LRBA: variants seen among roughly 807,000 people sequenced by gnomAD.
LRBA encodes LPS responsive beige-like anchor protein, also known as lipopolysaccharide-responsive and beige-like anchor protein.
In LRBA, 176 loss-of-function variants were observed where a neutral mutation model predicts 330.0. The observed-to-expected ratio is 0.53, with a 90% confidence interval of 0.47 to 0.60. The LOEUF (loss-of-function observed/expected upper bound fraction) is 0.60. Among genes scored for constraint, LRBA ranks in the 20% least tolerant of loss-of-function variants. LRBA has a pLI of 0.00. For synonymous variants in LRBA, 1,230 were observed against 1,193.0 expected, an observed-to-expected ratio of 1.03 and a Z score of -0.64; for missense variants, 3,259 against 3,444.8, an observed-to-expected ratio of 0.95 and a Z score of 1.35.
chr4:150,614,312 A>G (rs1775559020), intron 37 of LRBA, among the ~76,000 whole-genome samples: 1 of 152,244 alleles, frequency 6.6e-6, no homozygotes, highest in South Asian at 2.1e-4. Flanking sequence ...AGTTTTAAGT[A>G]GGTATTATAA....
intron 41 of LRBA, among the ~76,000 whole-genome samples, chr4:150,489,694 T>A (rs1392448509): frequency 2.6e-5 from 3 of 117,630 alleles, no homozygotes; most frequent in Admixed American, 1.0e-4. Context: ...AAGAATATAT[T>A]ATATATTATA....
At chr4:150,821,486 T>TA (rs1245671818) in intron 30 of LRBA, among the ~76,000 whole-genome samples, 2 of 149,914 alleles carry the variant, frequency 1.3e-5, no homozygotes. Flanking sequence ...TGTTGCTGGA[T>TA]TTTTTTTTTC....
At chr4:150,314,556 A>G (rs1431737283) in intron 51 of LRBA, among the ~76,000 whole-genome samples, 8 of 152,176 alleles carry the variant, frequency 5.3e-5, no homozygotes, top group African/African-American at 1.9e-4. Context: ...AAAATAATAA[A>G]TCTGCTTCAT....
chr4:150,417,794 T>C (rs542279618), intron 46 of LRBA, among the ~76,000 whole-genome samples: 2 of 152,268 alleles, frequency 1.3e-5, no homozygotes, highest in African/African-American at 4.8e-5. Context: ...AAAAGTACTC[T>C]TACCAACACC....
chr4:150,527,890 T>C (rs1403069615), intron 40 of LRBA, among the ~76,000 whole-genome samples: 2 of 152,208 alleles, frequency 1.3e-5, no homozygotes, highest in African/African-American at 4.8e-5. Context: ...ACAACTGACA[T>C]AAGTAGCTGT....
At chr4:150,538,713 C>T (rs1214936486) in intron 40 of LRBA, among the ~76,000 whole-genome samples, 1 of 151,366 alleles carries the variant, frequency 6.6e-6, no homozygotes, top group Non-Finnish European at 1.5e-5. Flanking sequence ...CCAATCCCAA[C>T]ACTTTGGGAG....
At chr4:150,665,709 G>A (rs1781499892) in intron 37 of LRBA, among the ~76,000 whole-genome samples, 1 of 152,076 alleles carries the variant, frequency 6.6e-6, no homozygotes, top group Non-Finnish European at 1.5e-5. Context: ...ATTCATCCAT[G>A]TTGTTATATG....
chr4:150,706,789 T>C (rs1785669641), intron 36 of LRBA, among the ~76,000 whole-genome samples: 1 of 151,588 alleles, frequency 6.6e-6, no homozygotes, highest in Non-Finnish European at 1.5e-5. Context: ...GCAAAGGACA[T>C]GCTCACAGAA....
At chr4:150,693,493 G>A (rs1364791569) in intron 36 of LRBA, among the ~76,000 whole-genome samples, 1 of 140,826 alleles carries the variant, frequency 7.1e-6, no homozygotes, top group Non-Finnish European at 1.5e-5. Flanking sequence ...GAACCCGGGA[G>A]GCGGAGCTTG....
intron 36 of LRBA, among the ~76,000 whole-genome samples, chr4:150,685,420 A>ATATATATACTTTTT (rs1561514146): frequency 5.7e-5 from 1 of 17,436 alleles, no homozygotes; most frequent in African/African-American, 2.4e-4. Flanking sequence ...ATATATATAT[A>ATATATATACTTTTT]TTTTTTTTTT....
chr4:150,326,286 T>C (rs1454621020), intron 48 of LRBA, among the ~76,000 whole-genome samples: 1 of 152,152 alleles, frequency 6.6e-6, no homozygotes, highest in Non-Finnish European at 1.5e-5. Context: ...TCTTTGATTC[T>C]AGGTCCCATT....
chr4:150,349,306 G>A (rs190915985), intron 48 of LRBA, among the ~76,000 whole-genome samples: 10 of 152,150 alleles, frequency 6.6e-5, no homozygotes, highest in South Asian at 4.1e-4. Context: ...TTTCCTAAAC[G>A]CAGTTGTGTT....
chr4:150,900,274 G>C, intron 13 of LRBA, 57 bp from the exon 14 acceptor site: 1 of 1,306,450 alleles, frequency 7.7e-7, no homozygotes, highest in South Asian at 1.4e-5. Flanking sequence ...TCTGTTTCCA[G>C]TAACACTTCC....
At chr4:150,641,074 T>G (rs749535427) in intron 37 of LRBA, among the ~76,000 whole-genome samples, 5 of 152,162 alleles carry the variant, frequency 3.3e-5, no homozygotes, top group Non-Finnish European at 7.4e-5. Flanking sequence ...GTCCCCATCT[T>G]TTGTCCGTCT....
intron 2 of LRBA, among the ~76,000 whole-genome samples, chr4:150,984,320 C>T (rs898881827): frequency 2.0e-5 from 3 of 152,148 alleles, no homozygotes; most frequent in East Asian, 1.9e-4. Context: ...CGAGACCAGC[C>T]TCAACATGGA....
chr4:150,653,579 T>A (rs1434863705), intron 37 of LRBA, among the ~76,000 whole-genome samples: 1 of 152,116 alleles, frequency 6.6e-6, no homozygotes, highest in African/African-American at 2.4e-5. Flanking sequence ...GACAACAATC[T>A]AGGTGTGAGA....
In LRBA at chr4:150,636,584, T is replaced by C. The variant is rs559263837; in HGVS notation, c.5922-37453A>G. 4.6e-5 allele frequency among the ~76,000 whole-genome samples: 7 copies of C among 152,294 alleles called. No individual in the cohort carries two copies. The South Asian group carries it at 1.2e-3, about 27-fold the overall frequency. ...AAGATCAAGGCTTTAGGTGCATTCATTGCTACCAGGATGTCACTATTCCCA... is the reference window on the plus strand; with the variant it reads ...AAGATCAAGGCTTTAGGTGCATTCACTGCTACCAGGATGTCACTATTCCCA... On this transcript the variant is annotated intron_variant, in intron 37 of 56. Coordinates refer to ENST00000651943, the MANE Select transcript of LRBA (RefSeq NM_001364905.1).
At chr4:150,366,117 T>G (rs1739435154) in intron 47 of LRBA, among the ~76,000 whole-genome samples, 1 of 152,168 alleles carries the variant, frequency 6.6e-6, no homozygotes, top group Admixed American at 6.6e-5. Context: ...ATTTGACAAA[T>G]GCTTTTAAAT....
intron 40 of LRBA, among the ~76,000 whole-genome samples, chr4:150,559,549 A>AAT (rs933520575): frequency 3.2e-5 from 4 of 126,084 alleles, no homozygotes; most frequent in Non-Finnish European, 4.7e-5. Context: ...ATATAAGATA[A>AAT]ATATATATAT....
Sources: allele counts gnomAD v4.1 joint callset (sites outside exome capture counted in the v4.1 genomes callset), GRCh38; gene constraint gnomAD v4.1.1; transcripts MANE v1.5; gene names NCBI Gene and HGNC (gene_info 2026-07-23, HGNC 2026-07-21).